Variants in CRB1 observed in about 807,000 individuals in gnomAD.
The protein encoded by CRB1 is crumbs cell polarity complex component 1.
A neutral mutation model predicts 120.0 loss-of-function variants in CRB1; 83 were observed. That is an observed-to-expected ratio of 0.69 (90% confidence interval 0.58 to 0.83). The LOEUF is 0.83. Ranked by LOEUF, CRB1 falls within the 40% of genes least tolerant of loss-of-function variation. The probability of loss-of-function intolerance (pLI) is 0.00; values close to 1 mark genes in which losing one functional copy is unlikely to be tolerated. For missense variants in CRB1, 1,699 were observed against 1,687.6 expected (o/e 1.01, Z -0.12); for synonymous variants, 625 against 612.5 (o/e 1.02, Z -0.30).
chr1:197,406,126 A>C (rs1340268746), intron 5 of CRB1, among the ~76,000 whole-genome samples: 3 of 152,206 alleles, frequency 2.0e-5, no homozygotes, highest in African/African-American at 7.2e-5. Flanking sequence ...GGTTTTGTGG[A>C]ATGGAAAGGG....
intron 11 of CRB1, among the ~76,000 whole-genome samples, chr1:197,459,380 G>A (rs2125544825): frequency 6.6e-6 from 1 of 152,162 alleles, no homozygotes; most frequent in South Asian, 2.1e-4. Flanking sequence ...CCATTGACTG[G>A]GTAACTTTTA....
intron 11 of CRB1, chr1:197,447,418 C>A (rs764305601): frequency 1.3e-5 from 2 of 152,218 alleles, no homozygotes; most frequent in Non-Finnish European, 2.9e-5. Flanking sequence ...TAATCGCATA[C>A]TTCTCCTCAC....
rs919326273 is a variant in CRB1 at position 197,478,284 on chromosome 1, G to GA, written c.*411dup. 1.1e-5 allele frequency: 3 copies of GA among 261,256 alleles called. No homozygotes were observed. Among genetic ancestry groups the GA allele is most frequent in the South Asian group, 8.9e-5 (2 of 22,576 alleles). 16.2% of individuals were successfully genotyped at this position (261,256 alleles called of 1,614,324 possible). ...CCATATGTTTACATGGAAACTACAG[G>GA]AAAAAATTGGCTACATTTCTCACTT... On this transcript the variant is annotated 3_prime_UTR_variant, in exon 12 of 12. Transcript: ENST00000367400.
At chr1:197,252,469 C>A in the CRB1 span, among the ~76,000 whole-genome samples, 1 of 139,332 alleles carries the variant, frequency 7.2e-6, no homozygotes, top group African/African-American at 2.6e-5. Context: ...CATTCTTAAA[C>A]TTAAATCACT....
At chr1:197,371,539 G>A (rs1328994112) in intron 5 of CRB1, among the ~76,000 whole-genome samples, 1 of 152,152 alleles carries the variant, frequency 6.6e-6, no homozygotes, top group African/African-American at 2.4e-5. Flanking sequence ...GCCACCAAAA[G>A]TGTTGTCAGT....
intron 5 of CRB1, among the ~76,000 whole-genome samples, chr1:197,406,411 C>T (rs1663396921): frequency 1.3e-5 from 2 of 152,138 alleles, no homozygotes; most frequent in South Asian, 4.1e-4. Flanking sequence ...ACTCCTTAAT[C>T]TCAAGTACCC....
At chr1:197,315,423 A>G (rs1269830849) in intron 1 of CRB1, among the ~76,000 whole-genome samples, 2 of 152,234 alleles carry the variant, frequency 1.3e-5, no homozygotes, top group African/African-American at 4.8e-5. Context: ...TCAGCCAAAG[A>G]CACAGTTTCA....
intron 1 of CRB1, among the ~76,000 whole-genome samples, chr1:197,306,923 T>C (rs1657207612): frequency 6.6e-6 from 1 of 152,218 alleles, no homozygotes; most frequent in Non-Finnish European, 1.5e-5. Flanking sequence ...TAGTTGTGTT[T>C]CTTAGCAGCA....
intron 5 of CRB1, chr1:197,357,309 G>T: frequency 2.3e-6 from 1 of 428,648 alleles, no homozygotes; most frequent in South Asian, 2.6e-5. Flanking sequence ...AGAAAATGTT[G>T]AAATTTTTAT....
the CRB1 span, among the ~76,000 whole-genome samples, chr1:197,219,118 C>T: frequency 1.3e-5 from 2 of 152,114 alleles, no homozygotes; most frequent in Non-Finnish European, 2.9e-5. Flanking sequence ...TAAAAATAAG[C>T]ATAAGACATG....
At chr1:197,236,223 A>G in the CRB1 span, among the ~76,000 whole-genome samples, 2 of 145,220 alleles carry the variant, frequency 1.4e-5, no homozygotes, top group Non-Finnish European at 3.0e-5. Flanking sequence ...TTGAGACACA[A>G]GAGTCTCGCT....
At chr1:197,317,830 T>C (rs904179927) in intron 1 of CRB1, among the ~76,000 whole-genome samples, 5 of 152,036 alleles carry the variant, frequency 3.3e-5, no homozygotes, top group African/African-American at 7.2e-5. Context: ...TCTCTCACCA[T>C]ATACAAAAAT....
chr1:197,241,010 G>T, the CRB1 span, among the ~76,000 whole-genome samples: 1 of 152,080 alleles, frequency 6.6e-6, no homozygotes, highest in Non-Finnish European at 1.5e-5. Context: ...TTTGAGAAGT[G>T]CCTGTTCATA....
intron 5 of CRB1, among the ~76,000 whole-genome samples, chr1:197,414,347 A>G (rs1329869900): frequency 1.3e-5 from 2 of 152,132 alleles, no homozygotes; most frequent in Non-Finnish European, 2.9e-5. Flanking sequence ...GGCTTCAGCA[A>G]AGTGAGAATT....
At chr1:197,460,323 A>G (rs1281242837) in intron 11 of CRB1, among the ~76,000 whole-genome samples, 1 of 152,104 alleles carries the variant, frequency 6.6e-6, no homozygotes, top group African/African-American at 2.4e-5. Context: ...AGATCAATAT[A>G]AAAGGTGCCT....
chr1:197,475,097 A>G (rs1010739739), intron 11 of CRB1, among the ~76,000 whole-genome samples: 3 of 152,200 alleles, frequency 2.0e-5, no homozygotes, highest in South Asian at 2.1e-4. Context: ...ATGAAATTCT[A>G]TATGCTTTAC....
chr1:197,324,370 G>A (rs950590839), intron 1 of CRB1, among the ~76,000 whole-genome samples: 1 of 152,128 alleles, frequency 6.6e-6, no homozygotes, highest in African/African-American at 2.4e-5. Context: ...CTAGTCAATA[G>A]ACAAATAATA....
chr1:197,469,956 C>T (rs1343044613), intron 11 of CRB1, among the ~76,000 whole-genome samples: 1 of 152,172 alleles, frequency 6.6e-6, no homozygotes, highest in Non-Finnish European at 1.5e-5. Context: ...TTATCTGCCA[C>T]TCCAATTCCT....
intron 5 of CRB1, among the ~76,000 whole-genome samples, chr1:197,389,664 C>G (rs1223480808): frequency 6.6e-6 from 1 of 151,996 alleles, no homozygotes; most frequent in Non-Finnish European, 1.5e-5. Flanking sequence ...GAACTCTATA[C>G]TTAAAATGAT....
Sources: gnomAD v4.1 joint callset for allele counts (sites outside exome capture counted in the v4.1 genomes callset) on GRCh38, gnomAD v4.1.1 for gene constraint, MANE v1.5 for transcripts, NCBI Gene and HGNC (gene_info 2026-07-23, HGNC 2026-07-21) for gene names.